TRAPPC9: variants seen among roughly 807,000 people sequenced by gnomAD.
The protein encoded by TRAPPC9 is IKK2 binding protein.
In TRAPPC9, 83 loss-of-function variants were observed where a neutral mutation model predicts 124.0. The observed-to-expected ratio is 0.67, with a 90% confidence interval of 0.56 to 0.80. TRAPPC9 has a LOEUF of 0.80. TRAPPC9 is among the 30% of genes least tolerant of loss of function. The probability of loss-of-function intolerance (pLI) is 0.00; values close to 1 mark genes in which losing one functional copy is unlikely to be tolerated. For synonymous variants in TRAPPC9, 638 were observed against 617.5 expected (o/e 1.03, Z -0.49); for missense variants, 1,302 against 1,508.3 (o/e 0.86, Z 2.27).
At chr8:140,348,144 G>A (rs2067407247) in intron 9 of TRAPPC9, among the ~76,000 whole-genome samples, 1 of 152,220 alleles carries the variant, frequency 6.6e-6, no homozygotes, top group Non-Finnish European at 1.5e-5. Flanking sequence ...CAGGGGTCCT[G>A]CTGTTCTGCC....
At chr8:140,229,215 C>A (rs1474588990) in intron 16 of TRAPPC9, among the ~76,000 whole-genome samples, 1 of 146,346 alleles carries the variant, frequency 6.8e-6, no homozygotes. Flanking sequence ...ATACATCGAA[C>A]ATTGTGCTTT....
intron 18 of TRAPPC9, among the ~76,000 whole-genome samples, chr8:139,998,074 T>C (rs1430348208): frequency 6.6e-6 from 1 of 152,104 alleles, no homozygotes; most frequent in Non-Finnish European, 1.5e-5. Flanking sequence ...AGACAATGCA[T>C]CCTACACAGG....
At chr8:140,397,479 T>C (rs1473439923) in intron 7 of TRAPPC9, 141 bp downstream of exon 7, 1 of 947,808 alleles carries the variant, frequency 1.1e-6, no homozygotes, top group East Asian at 2.5e-5. Flanking sequence ...ATAACCATGT[T>C]AATTAGAAAT....
At chr8:140,120,950 C>T (rs766708252) in intron 17 of TRAPPC9, among the ~76,000 whole-genome samples, 1 of 152,260 alleles carries the variant, frequency 6.6e-6, no homozygotes, top group Non-Finnish European at 1.5e-5. Flanking sequence ...ATCATCCATT[C>T]AACCATCCAT....
chr8:140,048,481 C>T (rs557196554), intron 17 of TRAPPC9, among the ~76,000 whole-genome samples: 2 of 152,114 alleles, frequency 1.3e-5, no homozygotes, highest in Non-Finnish European at 2.9e-5. Context: ...AGGCCAGGAT[C>T]ATGAGAGCGA....
chr8:140,420,844 AT>A (rs2070177234), intron 5 of TRAPPC9, among the ~76,000 whole-genome samples: 1 of 152,216 alleles, frequency 6.6e-6, no homozygotes, highest in Non-Finnish European at 1.5e-5. Context: ...AAACAAATTC[AT>A]TTTCAAAAGT....
At chr8:140,323,828 G>A (rs895604341) in intron 9 of TRAPPC9, among the ~76,000 whole-genome samples, 2 of 152,016 alleles carry the variant, frequency 1.3e-5, no homozygotes, top group Admixed American at 6.5e-5. Flanking sequence ...CACAAAACTC[G>A]ATAAAAAACC....
At chr8:140,117,279 CTT>C (rs2060905751) in intron 17 of TRAPPC9, among the ~76,000 whole-genome samples, 2 of 152,258 alleles carry the variant, frequency 1.3e-5, no homozygotes, top group African/African-American at 4.8e-5. Context: ...GTAGTCATGT[CTT>C]AGTCTATTTT....
intron 19 of TRAPPC9, among the ~76,000 whole-genome samples, chr8:139,918,993 G>A (rs759311145): frequency 6.6e-6 from 1 of 152,208 alleles, no homozygotes; most frequent in Non-Finnish European, 1.5e-5. Flanking sequence ...GGAGGAGCCG[G>A]TGCCCGGAGC....
chr8:140,151,546 T>G (rs2061543891), intron 17 of TRAPPC9, among the ~76,000 whole-genome samples: 1 of 152,174 alleles, frequency 6.6e-6, no homozygotes, highest in South Asian at 2.1e-4. Context: ...TACGTGAGCC[T>G]GCCTCCAAAT....
At chr8:140,424,423 T>G (rs544786743) in intron 5 of TRAPPC9, among the ~76,000 whole-genome samples, 1 of 151,704 alleles carries the variant, frequency 6.6e-6, no homozygotes, top group South Asian at 2.1e-4. Context: ...AGAGGATTGC[T>G]TGAGGCCAGG....
intron 21 of TRAPPC9, among the ~76,000 whole-genome samples, chr8:139,828,807 C>T (rs1032914138): frequency 6.6e-6 from 1 of 152,132 alleles, no homozygotes; most frequent in Non-Finnish European, 1.5e-5. Context: ...CCCCAGAGCC[C>T]AACGTCTGAA....
intron 7 of TRAPPC9, among the ~76,000 whole-genome samples, chr8:140,376,553 T>TAAAAAA (rs34319639): frequency 2.0e-5 from 1 of 49,762 alleles, no homozygotes; most frequent in African/African-American, 8.9e-5. Context: ...AGACTCCATC[T>TAAAAAA]AAAAAAAAAA....
At chr8:139,916,633 C>A (rs1832152159) in intron 19 of TRAPPC9, 1 of 152,194 alleles carries the variant, frequency 6.6e-6, no homozygotes, top group Non-Finnish European at 1.5e-5. Flanking sequence ...TGCCAATTTT[C>A]ATGTTTAATT....
chr8:140,211,955 G>A (rs552596405), intron 17 of TRAPPC9, among the ~76,000 whole-genome samples: 1 of 152,350 alleles, frequency 6.6e-6, no homozygotes, highest in South Asian at 2.1e-4. Flanking sequence ...GACAGCAGAC[G>A]AGGACACAGG....
chr8:140,302,523 A>G (rs144817931), intron 10 of TRAPPC9, among the ~76,000 whole-genome samples: 52 of 152,352 alleles, frequency 3.4e-4, no homozygotes, highest in African/African-American at 1.2e-3. Flanking sequence ...CAAGACAAGG[A>G]TGATTTTGAC....
chr8:139,923,461 G>A (rs532647370), intron 19 of TRAPPC9, among the ~76,000 whole-genome samples: 3 of 152,288 alleles, frequency 2.0e-5, no homozygotes, highest in South Asian at 4.1e-4. Context: ...TCCCCACCCC[G>A]AACTCACGTT....
intron 21 of TRAPPC9, among the ~76,000 whole-genome samples, chr8:139,814,964 GTC>G (rs1235819820): frequency 6.6e-6 from 1 of 152,178 alleles, no homozygotes; most frequent in African/African-American, 2.4e-5. Context: ...GGCCATTGAT[GTC>G]ACAGGAAACC....
chr8:140,384,400 T>C (rs1356485640), intron 7 of TRAPPC9, among the ~76,000 whole-genome samples: 1 of 152,182 alleles, frequency 6.6e-6, no homozygotes, highest in African/African-American at 2.4e-5. Context: ...ATCAGTGTGC[T>C]GTATTCAGGA....
Sources: gnomAD v4.1 joint callset for allele counts (sites outside exome capture counted in the v4.1 genomes callset) on GRCh38, gnomAD v4.1.1 for gene constraint, MANE v1.5 for transcripts, NCBI Gene and HGNC (gene_info 2026-07-23, HGNC 2026-07-21) for gene names.